Variants in IRF2 observed in about 807,000 individuals in gnomAD.
The protein encoded by IRF2 is interferon regulatory factor 2.
Under a neutral mutation model 40.6 loss-of-function variants are expected in IRF2, and 15 were observed. That is an observed-to-expected ratio of 0.37 (90% CI 0.25 to 0.57). The LOEUF is 0.57. Among genes scored for constraint, IRF2 ranks in the 20% least tolerant of loss-of-function variants. The pLI is 0.77. For missense variants in IRF2, 317 were observed against 455.7 expected, an observed-to-expected ratio of 0.70 and a Z score of 2.77; for synonymous variants, 151 against 165.5, an observed-to-expected ratio of 0.91 and a Z score of 0.67.
In IRF2 at chr4:184,408,291, G is replaced by GA. The variant is rs772187019; in HGVS notation, c.412-17dup. 1.4e-6 allele frequency: 2 copies of GA among 1,481,068 alleles called. No homozygotes were observed. Among genetic ancestry groups the GA allele is most frequent in the Non-Finnish European group, 1.9e-6 (2 of 1,062,960 alleles). The allele number at this position is 1,481,068 out of a possible 1,614,324, so 91.7% of individuals were successfully genotyped here. On this transcript the variant is annotated splice_polypyrimidine_tract_variant and intron_variant, in intron 5 of 8. Coordinates refer to ENST00000393593, the MANE Select transcript of IRF2 (RefSeq NM_002199.4). The surrounding 1 kb of genome is among the most constrained non-coding windows in gnomAD (Gnocchi z 4.9). ...CTGGTTCTTGCTAGGAAGAAGAAAA[G>GA]AAAAAAGAATTGAGAACACTTCCTT...
intron 1 of IRF2, among the ~76,000 whole-genome samples, chr4:184,473,137 G>C (rs1048076254): frequency 1.3e-5 from 2 of 152,060 alleles, no homozygotes; most frequent in African/African-American, 4.8e-5. Flanking sequence ...GAGGCGGAAA[G>C]GAAGTGGCGG....
intron 1 of IRF2, among the ~76,000 whole-genome samples, chr4:184,469,178 T>C (rs1739431463): frequency 6.6e-6 from 1 of 152,192 alleles, no homozygotes; most frequent in Non-Finnish European, 1.5e-5. Flanking sequence ...GACCAAGTTA[T>C]TGATGGAGGG....
chr4:184,471,842 A>C (rs1739523802), intron 1 of IRF2: 1 of 152,246 alleles, frequency 6.6e-6, no homozygotes, highest in Admixed American at 6.5e-5. Flanking sequence ...ACAGATCCTT[A>C]CTTTTGATTA....
intron 1 of IRF2, among the ~76,000 whole-genome samples, chr4:184,429,881 C>T (rs1737811873): frequency 6.6e-6 from 1 of 152,186 alleles, no homozygotes; most frequent in African/African-American, 2.4e-5. Context: ...CCTGGTCCAT[C>T]GGAATAGATC....
chr4:184,439,376 G>GT (rs1738211233), intron 1 of IRF2, among the ~76,000 whole-genome samples: 1 of 148,318 alleles, frequency 6.7e-6, no homozygotes, highest in South Asian at 2.1e-4. Context: ...AAGGTCCCTG[G>GT]CCCCACTCTA....
chr4:184,473,299 G>C (rs1739588020), intron 1 of IRF2, among the ~76,000 whole-genome samples: 1 of 150,012 alleles, frequency 6.7e-6, no homozygotes, highest in Non-Finnish European at 1.5e-5. Context: ...CCCCCACTGC[G>C]CCGCTCGGTC....
At chr4:184,426,307 C>T (rs771105108) in intron 2 of IRF2, among the ~76,000 whole-genome samples, 59 of 152,112 alleles carry the variant, frequency 3.9e-4, no homozygotes, top group Non-Finnish European at 7.4e-4. Flanking sequence ...TGAGCCACTG[C>T]GCCCAGCCAG....
chr4:184,442,988 C>T (rs1738369762), intron 1 of IRF2, among the ~76,000 whole-genome samples: 2 of 151,598 alleles, frequency 1.3e-5, no homozygotes, highest in African/African-American at 4.9e-5. Context: ...TGCAATGGCA[C>T]GATCTCTGCT....
chr4:184,407,196 G>A (rs775728403), intron 6 of IRF2: 8 of 1,289,296 alleles, frequency 6.2e-6, no homozygotes, highest in Middle Eastern at 2.1e-4. Context: ...AGAGGCCAGC[G>A]GAGGCCTGTC....
chr4:184,420,171 T>A (rs1284528118), intron 2 of IRF2, among the ~76,000 whole-genome samples: 1 of 152,222 alleles, frequency 6.6e-6, no homozygotes, highest in Non-Finnish European at 1.5e-5. Flanking sequence ...CCCGGCCCTG[T>A]GCCTCTTTTT....
At chr4:184,396,424 A>AT (rs1320140223) in intron 7 of IRF2, among the ~76,000 whole-genome samples, 3 of 137,534 alleles carry the variant, frequency 2.2e-5, no homozygotes, top group African/African-American at 8.8e-5. Context: ...CCATATATAT[A>AT]TATTTTTTTT....
intron 1 of IRF2, among the ~76,000 whole-genome samples, chr4:184,437,783 T>C (rs1392662223): frequency 7.1e-6 from 1 of 141,734 alleles, no homozygotes; most frequent in Non-Finnish European, 1.5e-5. Context: ...GGGAAGGAGG[T>C]GAGCTAGAAC....
intron 7 of IRF2, among the ~76,000 whole-genome samples, chr4:184,398,666 A>AATAAATAAATAAAT (rs1561084640): frequency 2.0e-5 from 3 of 147,152 alleles, no homozygotes; most frequent in African/African-American, 7.5e-5. Flanking sequence ...AAAAAAAAAA[A>AATAAATAAATAAAT]AAATAAATAA....
intron 7 of IRF2, among the ~76,000 whole-genome samples, chr4:184,396,940 TAACAACAACAACA>T (rs1367585167): frequency 1.3e-5 from 2 of 152,030 alleles, no homozygotes; most frequent in African/African-American, 2.4e-5. Context: ...CTATTTCTAT[TAACAACAACAACA>T]AACAACAACA....
At chr4:184,439,224 C>T (rs1738200806) in intron 1 of IRF2, among the ~76,000 whole-genome samples, 1 of 151,154 alleles carries the variant, frequency 6.6e-6, no homozygotes, top group Non-Finnish European at 1.5e-5. Flanking sequence ...ACTGCTACTC[C>T]AAATACATCA....
rs1263937636 is a variant in IRF2 at position 184,418,172 on chromosome 4, T to C, written c.406A>G (p.Ile136Val). The C allele has an allele frequency of 1.2e-6, 2 of 1,613,590 alleles. No individual in the cohort carries two copies. Among genetic ancestry groups the C allele is most frequent in the Non-Finnish European group, 1.7e-6 (2 of 1,179,440 alleles). ...KTEKEDKVKHIKQEPVESSLG... is the reference protein window; with the variant it reads ...KTEKEDKVKHVKQEPVESSLG... ...TCTGAATCACCCAAGATTACCTTGATGTGCTTAACTTTGTCTTCTTTTTCT... is the reference window on the plus strand; with the variant it reads ...TCTGAATCACCCAAGATTACCTTGACGTGCTTAACTTTGTCTTCTTTTTCT... The change falls in exon 5 of 9, where the codon ATC (isoleucine) becomes GTC (valine). Residue 136 changes from isoleucine to valine, a missense_variant. Physicochemically the swap from Ile to Val is conservative, Grantham distance 29 (BLOSUM62 3). Around this residue, in one of 2 missense-constraint regions of IRF2, gnomAD observed 262 missense variants for 334.0 expected, o/e 0.78. Coordinates refer to ENST00000393593, the MANE Select transcript of IRF2 (RefSeq NM_002199.4).
Position 184,395,716 on chromosome 4 carries a change from T to C in IRF2, c.694+3199A>G, listed in dbSNP as rs192265731. Among the ~76,000 whole-genome samples the C allele has an allele frequency of 2.7e-3, 408 of 152,352 alleles. 9 individuals carry two copies. The highest frequency in any genetic ancestry group is 0.025 in the Admixed American group (376 of 15,302). On this transcript the variant is annotated intron_variant, in intron 7 of 8. Coordinates refer to ENST00000393593, the MANE Select transcript of IRF2 (RefSeq NM_002199.4). ...ACCAGTAAGCCTCCCTCCACGAGGT[T>C]CTGGAGAATCCAGACAATGAAAACA...
At chr4:184,394,358 C>T (rs926295385) in intron 7 of IRF2, among the ~76,000 whole-genome samples, 6 of 152,128 alleles carry the variant, frequency 3.9e-5, no homozygotes, top group South Asian at 2.1e-4. Context: ...AGGAACACTG[C>T]GGGAAGGGAG....
At chr4:184,458,011 G>C (rs793804) in intron 1 of IRF2, among the ~76,000 whole-genome samples, 138 of 152,256 alleles carry the variant, frequency 9.1e-4, no homozygotes, top group African/African-American at 3.2e-3. Context: ...AGTGGTCCAT[G>C]CACCAGGAAC....
Sources: allele counts gnomAD v4.1 joint callset (sites outside exome capture counted in the v4.1 genomes callset), GRCh38; gene constraint gnomAD v4.1.1; regional missense constraint gnomAD v4.1.1; non-coding constraint Gnocchi (gnomAD v3.1); transcripts MANE v1.5; gene names NCBI Gene and HGNC (gene_info 2026-07-23, HGNC 2026-07-21).